SND1: variants seen among roughly 807,000 people sequenced by gnomAD.
The protein encoded by SND1 is staphylococcal nuclease domain-containing protein 1.
In SND1, 38 loss-of-function variants were observed where a neutral mutation model predicts 121.7. The ratio of observed to expected loss-of-function variants is 0.31; its 90% CI spans 0.24 to 0.41. The LOEUF is 0.41. Ranked by LOEUF, SND1 falls within the 10% of genes least tolerant of loss-of-function variation. SND1 has a pLI of 1.00. For synonymous variants in SND1, 401 were observed against 447.4 expected, an observed-to-expected ratio of 0.90 and a Z score of 1.31; for missense variants, 868 against 1,184.6, an observed-to-expected ratio of 0.73 and a Z score of 3.92.
In SND1 at chr7:127,781,559, A is replaced by G. The variant is rs190261165; in HGVS notation, c.1153-25925A>G. Among the ~76,000 whole-genome samples the G allele has an allele frequency of 2.1e-4, 31 of 146,906 alleles. No individual in the cohort carries two copies. In the South Asian group the frequency reaches 6.4e-3, roughly 30 times the overall value. ...GCTTTGGCTCCATAGGAGTTAAGAAAGGAAGAAGAAACTTTTTTGTTCATT... is the reference window on the plus strand; with the variant it reads ...GCTTTGGCTCCATAGGAGTTAAGAAGGGAAGAAGAAACTTTTTTGTTCATT... On this transcript the variant is annotated intron_variant, in intron 10 of 23. Transcript: ENST00000354725.
At chr7:127,946,033 ACT>A (rs1291657121) in intron 15 of SND1, among the ~76,000 whole-genome samples, 1 of 152,230 alleles carries the variant, frequency 6.6e-6, no homozygotes, top group Non-Finnish European at 1.5e-5. Flanking sequence ...ATCTGCGTGT[ACT>A]CTCTTATTGG....
At chr7:127,954,958 G>A (rs1801558848) in intron 15 of SND1, among the ~76,000 whole-genome samples, 1 of 152,168 alleles carries the variant, frequency 6.6e-6, no homozygotes, top group Admixed American at 6.5e-5. Context: ...CTCATGTCTT[G>A]TTTAGAATGA....
At chr7:127,702,060 T>G (rs1333670027) in intron 5 of SND1, among the ~76,000 whole-genome samples, 1 of 152,240 alleles carries the variant, frequency 6.6e-6, no homozygotes, top group Non-Finnish European at 1.5e-5. Context: ...TGGCCCGGTT[T>G]TGAGACCTTG....
At chr7:127,802,950 A>G (rs181626660) in intron 10 of SND1, among the ~76,000 whole-genome samples, 1 of 152,034 alleles carries the variant, frequency 6.6e-6, no homozygotes, top group Non-Finnish European at 1.5e-5. Flanking sequence ...TGCCTTCCTC[A>G]CTGCCGCTGC....
chr7:127,775,580 T>C (rs892174019), intron 10 of SND1, among the ~76,000 whole-genome samples: 7 of 152,136 alleles, frequency 4.6e-5, no homozygotes, highest in Non-Finnish European at 1.0e-4. Flanking sequence ...CGTTTCATAC[T>C]TTACACCTGG....
chr7:127,730,658 A>AT (rs1036928980), intron 10 of SND1, among the ~76,000 whole-genome samples: 24 of 151,978 alleles, frequency 1.6e-4, no homozygotes, highest in Non-Finnish European at 2.9e-4. Context: ...TGTTTTCTGC[A>AT]TTTTTTTCTC....
chr7:127,946,857 A>G (rs768684882), intron 15 of SND1, among the ~76,000 whole-genome samples: 1 of 152,208 alleles, frequency 6.6e-6, no homozygotes, highest in Non-Finnish European at 1.5e-5. Flanking sequence ...AAGATCTTCC[A>G]TTTACCCTTT....
chr7:127,957,217 A>G (rs982938342), intron 15 of SND1, among the ~76,000 whole-genome samples: 10 of 152,216 alleles, frequency 6.6e-5, no homozygotes, highest in African/African-American at 2.4e-4. Flanking sequence ...AACCATGGGA[A>G]TAACAAAATG....
At chr7:128,066,552 A>G (rs1028169393) in intron 16 of SND1, among the ~76,000 whole-genome samples, 1 of 152,208 alleles carries the variant, frequency 6.6e-6, no homozygotes, top group African/African-American at 2.4e-5. Flanking sequence ...CCACGGTTGC[A>G]GATGGTAACG....
chr7:127,945,544 A>G (rs1229823434), intron 15 of SND1, among the ~76,000 whole-genome samples: 2 of 152,094 alleles, frequency 1.3e-5, no homozygotes, highest in African/African-American at 4.8e-5. Context: ...GTTTCCATAG[A>G]GAAAGAGTGC....
intron 14 of SND1, among the ~76,000 whole-genome samples, chr7:127,906,296 G>A (rs1259604579): frequency 6.6e-6 from 1 of 152,172 alleles, no homozygotes; most frequent in Non-Finnish European, 1.5e-5. Flanking sequence ...TGGTGTATCT[G>A]CTAATGTTCA....
chr7:127,895,496 C>G lies in SND1; in HGVS notation c.1454+7484C>G, dbSNP rs148079263. On this transcript the variant is annotated intron_variant, in intron 13 of 23. Transcript: ENST00000354725. Reference sequence around the variant, plus strand: ...TTTTTAACTTTGGAAATGCACACCCCACCCTACATTTTGGGGTTGCAGTTA... The same window carrying G: ...TTTTTAACTTTGGAAATGCACACCCGACCCTACATTTTGGGGTTGCAGTTA... Among the ~76,000 whole-genome samples, 104 of 152,168 alleles carry G rather than the reference C, an allele frequency of 6.8e-4. No individual in the cohort carries two copies. The East Asian group carries it at 0.015, about 22-fold the overall frequency.
intron 1 of SND1, among the ~76,000 whole-genome samples, chr7:127,683,255 A>ACT (rs1795758278): frequency 6.6e-6 from 1 of 152,132 alleles, no homozygotes; most frequent in Non-Finnish European, 1.5e-5. Context: ...TTGCTCTGTC[A>ACT]CCCTGGCTGG....
chr7:127,734,295 C>A (rs1456902947), intron 10 of SND1, among the ~76,000 whole-genome samples: 1 of 152,108 alleles, frequency 6.6e-6, no homozygotes, highest in African/African-American at 2.4e-5. Context: ...TTATCTGCTT[C>A]AGAGAACAGA....
intron 14 of SND1, among the ~76,000 whole-genome samples, chr7:127,918,359 C>T (rs1234739636): frequency 3.3e-5 from 5 of 152,030 alleles, no homozygotes; most frequent in Non-Finnish European, 7.4e-5. Flanking sequence ...AGTCACCGCC[C>T]CCAGATGACT....
chr7:127,993,426 C>T (rs950580607), intron 16 of SND1, among the ~76,000 whole-genome samples: 2 of 152,206 alleles, frequency 1.3e-5, no homozygotes, highest in Admixed American at 6.5e-5. Context: ...AGGTCCTTCC[C>T]GCCCTCAGCA....
At chr7:127,987,338 G>A (rs952679007) in intron 15 of SND1, among the ~76,000 whole-genome samples, 1 of 152,158 alleles carries the variant, frequency 6.6e-6, no homozygotes, top group African/African-American at 2.4e-5. Flanking sequence ...CACCAGCCCA[G>A]CAGTGCAGGC....
intron 11 of SND1, among the ~76,000 whole-genome samples, chr7:127,817,721 CTTTTTTTTTTTT>C (rs72233818): frequency 9.6e-5 from 10 of 104,094 alleles, no homozygotes; most frequent in South Asian, 6.4e-4. Context: ...TTCCTTCATA[CTTTTTTTTTTTT>C]TTTTTTTTTT....
At chr7:127,672,368 T>A (rs1348040570) in intron 1 of SND1, among the ~76,000 whole-genome samples, 1 of 151,976 alleles carries the variant, frequency 6.6e-6, no homozygotes, top group African/African-American at 2.4e-5. Flanking sequence ...TTAGGGAGGC[T>A]GAGGCAGGAG....
Sources: gnomAD v4.1 joint callset for allele counts (sites outside exome capture counted in the v4.1 genomes callset) on GRCh38, gnomAD v4.1.1 for gene constraint, MANE v1.5 for transcripts, NCBI Gene and HGNC (gene_info 2026-07-23, HGNC 2026-07-21) for gene names.